Variants in RPS17 observed in about 807,000 individuals in gnomAD.
RPS17 encodes the protein small ribosomal subunit protein eS17.
For missense variants in RPS17, 68 were observed against 182.3 expected (o/e 0.37, Z 3.61); for synonymous variants, 75 against 65.6 (o/e 1.14, Z -0.70).
Position 82,538,882 on chromosome 15 carries a change from C to G in RPS17, c.259G>C (p.Glu87Gln). 1 of 1,613,918 alleles carries G rather than the reference C, an allele frequency of 6.2e-7. No homozygotes were observed. Among genetic ancestry groups the G allele is most frequent in the Non-Finnish European group, 8.5e-7 (1 of 1,179,840 alleles). ...ERERRDNYVP[E>Q]VSALDQEIIE... ...GCCCAAATATCCAGAAAGTTTACCT[C>G]AGGAACATAATTGTCTCTCCTTTCT... Residue 87 changes from glutamate to glutamine, a missense_variant and splice_region_variant, in exon 3 of 5, where the codon GAG becomes CAG. Transcript: ENST00000647841.
intron 2 of RPS17, chr15:82,539,225 A>ACCCCCCCCCC: frequency 5.1e-6 from 3 of 590,974 alleles, no homozygotes; most frequent in South Asian, 3.2e-5. Context: ...CCCACCCCCA[A>ACCCCCCCCCC]CTCGCCCCGC....
At chr15:82,538,571 C>G (rs1404593099) in intron 3 of RPS17, 200 bp from the exon 4 acceptor site, 9 of 707,522 alleles carry the variant, frequency 1.3e-5, no homozygotes, top group Non-Finnish European at 2.0e-5. Context: ...TGCCCTCATT[C>G]AGTATTCAGA....
At chr15:82,539,881 C>G in intron 2 of RPS17, 100 bp downstream of exon 2, 1 of 1,589,652 alleles carries the variant, frequency 6.3e-7, no homozygotes, top group Non-Finnish European at 8.6e-7. Context: ...GAGTCTCAGG[C>G]TAACGAAACC....
chr15:82,538,514 C>A, intron 3 of RPS17, 143 bp from the exon 4 acceptor site: 1 of 918,778 alleles, frequency 1.1e-6, no homozygotes, highest in Non-Finnish European at 1.8e-6. Context: ...CAGTCTCTTA[C>A]AGTATTACAG....
rs1044295022 is a variant in RPS17, at chr15:82,540,407, C to A, written c.3+19G>T. ...GGGGACGATTGTGGAGGATGGCGGC[C>A]TCGAGCCAAAACACCTACCATGTTG... On this transcript the variant is annotated intron_variant, in intron 1 of 4. Coordinates refer to ENST00000647841, the MANE Select transcript of RPS17 (RefSeq NM_001021.6). 1.4e-5 allele frequency: 23 copies of A among 1,593,760 alleles called. No homozygotes were observed. The highest frequency in any genetic ancestry group is 1.9e-5 in the Non-Finnish European group (22 of 1,171,680).
At chr15:82,537,619 G>A in intron 4 of RPS17, 2 of 342,114 alleles carry the variant, frequency 5.8e-6, no homozygotes, top group Non-Finnish European at 1.1e-5. Context: ...CAACAAAAAT[G>A]CTGCATTCAG....
intron 1 of RPS17, 28 bp downstream of exon 1, chr15:82,540,398 G>T: frequency 6.3e-7 from 1 of 1,593,426 alleles, no homozygotes; most frequent in Non-Finnish European, 8.5e-7. Context: ...GATTGTGGAG[G>T]ATGGCGGCCT....
At chr15:82,537,780 ATGAAGT>A (rs2150887135) in intron 4 of RPS17, 1 of 439,698 alleles carries the variant, frequency 2.3e-6, no homozygotes, top group African/African-American at 2.0e-5. Flanking sequence ...AATAGGAAAA[ATGAAGT>A]TGTTCAAAAT....
Position 82,538,329 on chromosome 15 carries a change from T to C in RPS17, c.304A>G (p.Thr102Ala). 6.2e-7 allele frequency: 1 copy of C among 1,613,264 alleles called. No individual in the cohort carries two copies. Among genetic ancestry groups the C allele is most frequent in the East Asian group, 2.2e-5 (1 of 44,882 alleles). The change falls in exon 4 of 5, where the codon ACT (threonine) becomes GCT (alanine). Residue 102 changes from threonine (T) to alanine (A), a missense_variant. Thr to Ala is a moderately conservative substitution (Grantham distance 58, BLOSUM62 0). Coordinates refer to ENST00000647841, the MANE Select transcript of RPS17 (RefSeq NM_001021.6). ...DQEIIEVDPD[T>A]KEMLKLLDFG... is the part of the protein sequence containing the mutation. ...ACCAAAAGCTTCAGCATTTCCTTAG[T>C]GTCAGGATCTACTTCAATAATCTCC... is the stretch of plus-strand genomic sequence containing the variant.
chr15:82,538,608 A>G (rs1443919478), intron 3 of RPS17: 1 of 657,188 alleles, frequency 1.5e-6, no homozygotes, highest in Non-Finnish European at 2.7e-6. Flanking sequence ...TTTACACCAA[A>G]GAATACTATA....
At position 82,536,897 on chromosome 15, in the gene RPS17, G is replaced by A; in HGVS notation, c.328-16C>T. On this transcript the variant is annotated splice_polypyrimidine_tract_variant and intron_variant, in intron 4 of 4. Coordinates refer to ENST00000647841, the MANE Select transcript of RPS17 (RefSeq NM_001021.6). ...TGCCGAAGTCCTGGAACGAGAAAAT[G>A]GATTCAGTGAGCAGTTACTGGTGAG... 6.2e-7 allele frequency: 1 copy of A among 1,613,966 alleles called. No individual in the cohort carries two copies. The highest frequency in any genetic ancestry group is 1.1e-5 in the South Asian group (1 of 91,078).
At chr15:82,539,674 G>A in intron 2 of RPS17, 1 of 460,790 alleles carries the variant, frequency 2.2e-6, no homozygotes, top group East Asian at 4.4e-5. Context: ...GGGCGCCAGG[G>A]CAAGATTCCG....
chr15:82,538,511 T>G, intron 3 of RPS17, 140 bp from the exon 4 acceptor site: 6 of 916,010 alleles, frequency 6.6e-6, no homozygotes, highest in Non-Finnish European at 1.1e-5. Context: ...GAGCAGTCTC[T>G]TACAGTATTA....
In RPS17 at chr15:82,539,962, C is replaced by T. The variant is rs2034316607; in HGVS notation, c.155+19G>A. 6.2e-7 allele frequency: 1 copy of T among 1,612,014 alleles called. No individual in the cohort carries two copies. Among genetic ancestry groups the T allele is most frequent in the Non-Finnish European group, 8.5e-7 (1 of 1,179,866 alleles). On this transcript the variant is annotated intron_variant, in intron 2 of 4. Transcript: ENST00000647841. Reference sequence around the variant, plus strand: ...AAACAGATCGCGGAGCCCCGGAGGCCGAGGAAGGCCCGACTCACCCTGCTA... The same window carrying T: ...AAACAGATCGCGGAGCCCCGGAGGCTGAGGAAGGCCCGACTCACCCTGCTA...
chr15:82,539,688 C>CA (rs1282817461), intron 2 of RPS17: 6,340 of 414,450 alleles, frequency 0.015, 25 homozygotes, highest in African/African-American at 0.042. Context: ...GATTCCGTCT[C>CA]AAAAAAAAAA....
At chr15:82,537,992 A>G in intron 4 of RPS17, 5 of 479,594 alleles carry the variant, frequency 1.0e-5, no homozygotes, top group Non-Finnish European at 2.1e-5. Flanking sequence ...TCACAGAAGA[A>G]AAGCAGGCAG....
At chr15:82,537,003 AC>A in intron 4 of RPS17, 122 bp from the exon 5 acceptor site, 1 of 1,100,366 alleles carries the variant, frequency 9.1e-7, no homozygotes, top group South Asian at 1.3e-5. Context: ...GACCTGAAGG[AC>A]CCTTTAAGAG....
chr15:82,537,280 C>G, intron 4 of RPS17: 1 of 330,942 alleles, frequency 3.0e-6, no homozygotes, highest in Non-Finnish European at 5.8e-6. Flanking sequence ...TTGGCCTCTA[C>G]CCCTTAGAAG....
intron 2 of RPS17, chr15:82,539,189 A>C: frequency 1.5e-6 from 1 of 689,268 alleles, no homozygotes; most frequent in Non-Finnish European, 2.7e-6. Context: ...TCTCTATTCA[A>C]ACTCTCCTTC....
Sources: allele counts gnomAD v4.1 joint callset, GRCh38; gene constraint gnomAD v4.1.1; transcripts MANE v1.5; gene names NCBI Gene and HGNC (gene_info 2026-07-23, HGNC 2026-07-21).